DPY19L2: variants seen among roughly 807,000 people sequenced by gnomAD.
DPY19L2 encodes probable C-mannosyltransferase DPY19L2.
DPY19L2 carries 34 observed loss-of-function variants against 97.9 expected under a neutral mutation model. The ratio of observed to expected loss-of-function variants is 0.35; its 90% CI spans 0.26 to 0.46. The LOEUF (loss-of-function observed/expected upper bound fraction) is 0.46, where lower values mean the gene tolerates loss of function less well. Among genes scored for constraint, DPY19L2 ranks in the 20% least tolerant of loss-of-function variants. DPY19L2 has a pLI of 1.00. For synonymous variants in DPY19L2, 230 were observed against 307.9 expected (o/e 0.75, Z 2.65); for missense variants, 623 against 911.4 (o/e 0.68, Z 4.07).
At chr12:63,591,966 GAAA>G (rs1491115484) in intron 16 of DPY19L2, among the ~76,000 whole-genome samples, 3 of 103,160 alleles carry the variant, frequency 2.9e-5, no homozygotes, top group African/African-American at 7.7e-5. Flanking sequence ...GAAAAGAAAA[GAAA>G]AGAAAAGAGG....
At position 63,661,951 on chromosome 12, in the gene DPY19L2, C is replaced by T. The variant is rs549156142; in HGVS notation, c.451-470G>A. On this transcript the variant is annotated intron_variant, in intron 3 of 21. Coordinates refer to ENST00000324472, the MANE Select transcript of DPY19L2 (RefSeq NM_173812.5). ...ATATAATGACCATAAGCATCATGAG[C>T]AAGGAATCCAGTGCTTCTAGCTTAA... Among the ~76,000 whole-genome samples, 241 of 152,240 alleles carry T rather than the reference C, an allele frequency of 1.6e-3. 2 individuals are homozygous for T. The highest frequency in any genetic ancestry group is 2.2e-3 in the Non-Finnish European group (150 of 68,000).
intron 6 of DPY19L2, among the ~76,000 whole-genome samples, chr12:63,631,832 C>T (rs13137982): frequency 5.3e-5 from 8 of 152,106 alleles, no homozygotes; most frequent in Non-Finnish European, 7.4e-5. Flanking sequence ...ATTGGCAAAC[C>T]GAATCCAGCA....
chr12:63,661,923 A>G (rs1449274867), intron 3 of DPY19L2, among the ~76,000 whole-genome samples: 2 of 152,170 alleles, frequency 1.3e-5, no homozygotes, highest in Non-Finnish European at 2.9e-5. Context: ...CTTAGGAAAT[A>G]AAATATAATG....
At position 63,667,762 on chromosome 12, in the gene DPY19L2, C is replaced by A. The variant is rs1442584266; in HGVS notation, c.337+295G>T. Among the ~76,000 whole-genome samples the A allele has an allele frequency of 5.9e-5, 9 of 152,056 alleles. No homozygotes were observed. In the South Asian group the frequency reaches 1.7e-3, roughly 28 times the overall value. On this transcript the variant is annotated intron_variant, in intron 1 of 21. Transcript: ENST00000324472. ...GCAAGACTTGCTCCACTAATTATTT[C>A]CTCTCTTGGAATCTTAATCTCATCA... is the stretch of plus-strand genomic sequence containing the variant.
intron 21 of DPY19L2, among the ~76,000 whole-genome samples, chr12:63,565,411 C>A (rs1877474568): frequency 1.3e-5 from 2 of 152,120 alleles, no homozygotes; most frequent in South Asian, 4.1e-4. Context: ...TGGCTTGTGG[C>A]CTTATATCAC....
At chr12:63,629,358 G>T (rs1890162835) in intron 6 of DPY19L2, among the ~76,000 whole-genome samples, 1 of 152,096 alleles carries the variant, frequency 6.6e-6, no homozygotes, top group African/African-American at 2.4e-5. Flanking sequence ...AACCAATGCA[G>T]AGAAGTCCTT....
At chr12:63,610,866 A>AC (rs1165211745) in intron 11 of DPY19L2, among the ~76,000 whole-genome samples, 2 of 104,176 alleles carry the variant, frequency 1.9e-5, no homozygotes, top group East Asian at 9.3e-4. Flanking sequence ...AAAAAAAAAA[A>AC]AAAAAAAAAC....
intron 4 of DPY19L2, among the ~76,000 whole-genome samples, chr12:63,649,037 A>G (rs1893818531): frequency 6.6e-6 from 1 of 152,130 alleles, no homozygotes; most frequent in Non-Finnish European, 1.5e-5. Context: ...TCTCAAAACC[A>G]CATAATTACA....
At chr12:63,603,844 G>T (rs1320678574) in intron 12 of DPY19L2, among the ~76,000 whole-genome samples, 1 of 152,060 alleles carries the variant, frequency 6.6e-6, no homozygotes, top group Non-Finnish European at 1.5e-5. Context: ...TAAGCAAAAA[G>T]AACAAAGCTG....
chr12:63,630,051 G>C (rs899778926), intron 6 of DPY19L2, among the ~76,000 whole-genome samples: 20 of 152,088 alleles, frequency 1.3e-4, no homozygotes, highest in African/African-American at 4.3e-4. Context: ...AGCCCTAAAA[G>C]AGCTCCTGAA....
In DPY19L2 at chr12:63,562,574, A is replaced by G. The variant is rs192602076; in HGVS notation, c.2127-1912T>C. Among the ~76,000 whole-genome samples, 247 of 152,324 alleles carry G rather than the reference A, an allele frequency of 1.6e-3. 1 individual carries two copies. Among genetic ancestry groups the G allele is most frequent in the Middle Eastern group, 0.01 (3 of 294 alleles). On this transcript the variant is annotated intron_variant, in intron 21 of 21. Coordinates refer to ENST00000324472, the MANE Select transcript of DPY19L2 (RefSeq NM_173812.5). ...ATGTTTAACGTTTTACAAAATTGCT[A>G]AACTGTCTTGCAGAGTGGTTGTACC... is the stretch of plus-strand genomic sequence containing the variant.
In DPY19L2 at chr12:63,597,847, A is replaced by G; in HGVS notation, c.1423T>C (p.Tyr475His). The change falls in exon 14 of 22, where the codon TAT becomes CAT. Residue 475 changes from tyrosine to histidine, a missense_variant. Coordinates refer to ENST00000324472, the MANE Select transcript of DPY19L2 (RefSeq NM_173812.5). ...AAGTCAAATTCGGGAGCACAGGTAT[A>G]TATTAAAGTATCAAAATCTGTATAC... ...LRYTDFDTLIYTCAPEFDFME... is the reference protein window; with the variant it reads ...LRYTDFDTLIHTCAPEFDFME... The G allele has an allele frequency of 1.2e-6, 2 of 1,608,628 alleles. No individual in the cohort carries two copies. Among genetic ancestry groups the G allele is most frequent in the Non-Finnish European group, 1.7e-6 (2 of 1,178,274 alleles).
At chr12:63,619,598 AC>A (rs1166942607) in intron 9 of DPY19L2, among the ~76,000 whole-genome samples, 1 of 151,066 alleles carries the variant, frequency 6.6e-6, no homozygotes, top group Non-Finnish European at 1.5e-5. Flanking sequence ...TACAACCTCC[AC>A]CTCCTGGGTT....
chr12:63,656,099 A>G (rs1360341327), intron 4 of DPY19L2, among the ~76,000 whole-genome samples: 1 of 152,136 alleles, frequency 6.6e-6, no homozygotes, highest in African/African-American at 2.4e-5. Context: ...GTAAATTTGA[A>G]GACTGTCTGG....
chr12:63,629,164 C>G (rs564857889), intron 6 of DPY19L2, among the ~76,000 whole-genome samples: 5 of 152,274 alleles, frequency 3.3e-5, no homozygotes, highest in Non-Finnish European at 5.9e-5. Flanking sequence ...AGTGCCTCTC[C>G]TCCTCCAAAG....
At chr12:63,631,624 C>A (rs12831963) in intron 6 of DPY19L2, among the ~76,000 whole-genome samples, 6 of 152,234 alleles carry the variant, frequency 3.9e-5, no homozygotes, top group African/African-American at 1.4e-4. Context: ...CAGCCCAATT[C>A]TACTAGAGGT....
At chr12:63,668,524 C>G (rs1386964742), upstream of DPY19L2, 132 of 957,442 alleles carry the variant, frequency 1.4e-4, no homozygotes, top group Non-Finnish European at 1.8e-4. Flanking sequence ...ACCTCCCGGT[C>G]GTCATGGCGA....
chr12:63,642,121 C>T (rs1892784214), intron 6 of DPY19L2, among the ~76,000 whole-genome samples: 1 of 152,016 alleles, frequency 6.6e-6, no homozygotes, highest in African/African-American at 2.4e-5. Flanking sequence ...TTTATCTTCC[C>T]ACTCTAATAT....
chr12:63,593,673 G>C (rs570793467), intron 16 of DPY19L2, among the ~76,000 whole-genome samples: 2,366 of 152,044 alleles, frequency 0.016, 64 homozygotes, highest in African/African-American at 0.053. Flanking sequence ...ATAGCTTTAG[G>C]AGATATACCT....
Sources: allele counts gnomAD v4.1 joint callset (sites outside exome capture counted in the v4.1 genomes callset), GRCh38; gene constraint gnomAD v4.1.1; transcripts MANE v1.5; gene names NCBI Gene and HGNC (gene_info 2026-07-23, HGNC 2026-07-21).